The following IKZF2 variants were observed in gnomAD, a reference collection of about 807,000 sequenced individuals.
IKZF2 encodes the protein IKAROS family zinc finger 2.
Under a neutral mutation model 49.2 loss-of-function variants are expected in IKZF2, and 15 were observed. The observed-to-expected ratio is 0.30, with a 90% CI of 0.20 to 0.47. The LOEUF is 0.47. Among genes scored for constraint, IKZF2 ranks in the 20% least tolerant of loss-of-function variants. The pLI is 1.00. For synonymous variants in IKZF2, 227 were observed against 221.4 expected (o/e 1.03, Z -0.23); for missense variants, 567 against 664.6 (o/e 0.85, Z 1.61).
At chr2:213,074,357 C>T (rs1703028544) in intron 4 of IKZF2, among the ~76,000 whole-genome samples, 1 of 152,138 alleles carries the variant, frequency 6.6e-6, no homozygotes, top group Admixed American at 6.6e-5. Context: ...TGTTCCTAAG[C>T]TACAAACCTG....
intron 4 of IKZF2, among the ~76,000 whole-genome samples, chr2:213,141,877 A>T (rs2060887729): frequency 6.6e-6 from 1 of 152,056 alleles, no homozygotes; most frequent in African/African-American, 2.4e-5. Context: ...CTAGAATTGA[A>T]CAGCAAAATG....
Position 213,130,978 on chromosome 2 carries a change from A to T in IKZF2, c.139+16730T>A, listed in dbSNP as rs185887539. Reference sequence around the variant, plus strand: ...ATATACTGCCTTATTTCTTGCAGCTATAGGAATGATTACAAACAAATGCTT... The same window carrying T: ...ATATACTGCCTTATTTCTTGCAGCTTTAGGAATGATTACAAACAAATGCTT... On this transcript the variant is annotated intron_variant, in intron 4 of 8. Transcript: ENST00000434687. 3.3e-4 allele frequency among the ~76,000 whole-genome samples: 50 copies of T among 152,306 alleles called. No individual in the cohort carries two copies. In the East Asian group the frequency reaches 9.0e-3, roughly 28 times the overall value.
intron 4 of IKZF2, among the ~76,000 whole-genome samples, chr2:213,102,063 A>T (rs1170372356): frequency 6.6e-6 from 1 of 152,214 alleles, no homozygotes; most frequent in African/African-American, 2.4e-5. Flanking sequence ...AATCTGCTAC[A>T]TGGATCTTTT....
chr2:213,037,787 A>AC (rs1166787196), intron 6 of IKZF2, among the ~76,000 whole-genome samples: 1 of 152,080 alleles, frequency 6.6e-6, no homozygotes, highest in African/African-American at 2.4e-5. Context: ...TCTATCAGCC[A>AC]CCTCCAGGAA....
intron 4 of IKZF2, among the ~76,000 whole-genome samples, chr2:213,111,345 T>C (rs2059697076): frequency 6.6e-6 from 1 of 152,068 alleles, no homozygotes; most frequent in South Asian, 2.1e-4. Flanking sequence ...TCACAGTATA[T>C]CTTCCCCATT....
chr2:213,124,686 C>T (rs1040129332), intron 4 of IKZF2, among the ~76,000 whole-genome samples: 2 of 152,216 alleles, frequency 1.3e-5, no homozygotes, highest in Non-Finnish European at 2.9e-5. Context: ...AAGTATACAA[C>T]TTATTTCCTG....
chr2:213,111,307 A>G (rs2059696494), intron 4 of IKZF2, among the ~76,000 whole-genome samples: 1 of 152,034 alleles, frequency 6.6e-6, no homozygotes. Context: ...GATATAAGCA[A>G]TATTGCATCT....
chr2:213,136,507 G>A (rs1218796731), intron 4 of IKZF2, among the ~76,000 whole-genome samples: 1 of 151,580 alleles, frequency 6.6e-6, no homozygotes, highest in African/African-American at 2.4e-5. Context: ...ATTTGTACAT[G>A]AAAATGCCTG....
chr2:213,082,162 G>A (rs535541013), intron 4 of IKZF2, among the ~76,000 whole-genome samples: 1 of 152,206 alleles, frequency 6.6e-6, no homozygotes, highest in Non-Finnish European at 1.5e-5. Context: ...TCTATACATT[G>A]TTATGTGCTA....
chr2:213,009,504 C>T (rs1040463432), intron 8 of IKZF2, among the ~76,000 whole-genome samples: 1 of 151,970 alleles, frequency 6.6e-6, no homozygotes, highest in Non-Finnish European at 1.5e-5. Context: ...GGCAGATACT[C>T]TCAGATTGGA....
intron 4 of IKZF2, among the ~76,000 whole-genome samples, chr2:213,129,316 T>C (rs571449511): frequency 2.7e-5 from 4 of 147,674 alleles, no homozygotes; most frequent in South Asian, 4.6e-4. Flanking sequence ...GAGAGGGGCT[T>C]ATTTATCTAG....
At chr2:213,029,112 C>T (rs886745404) in intron 6 of IKZF2, among the ~76,000 whole-genome samples, 3 of 151,846 alleles carry the variant, frequency 2.0e-5, no homozygotes, top group Admixed American at 6.6e-5. Flanking sequence ...TGAAGAATAC[C>T]GTTATGCAGT....
At chr2:213,034,537 G>A (rs1698803305) in intron 6 of IKZF2, among the ~76,000 whole-genome samples, 2 of 152,142 alleles carry the variant, frequency 1.3e-5, no homozygotes, top group African/African-American at 4.8e-5. Context: ...GGAATATAGA[G>A]GCCAGGTGAG....
intron 4 of IKZF2, among the ~76,000 whole-genome samples, chr2:213,134,990 C>T (rs2060605575): frequency 6.6e-6 from 1 of 152,196 alleles, no homozygotes; most frequent in African/African-American, 2.4e-5. Context: ...CTATACTTCA[C>T]AGCTCTGCTC....
chr2:213,116,724 G>A (rs976925973), intron 4 of IKZF2, among the ~76,000 whole-genome samples: 13 of 152,164 alleles, frequency 8.5e-5, no homozygotes, highest in African/African-American at 1.2e-4. Flanking sequence ...GGGTGACAGA[G>A]TGAGACCCTG....
rs1695418720 is a variant in IKZF2 at position 213,007,210 on chromosome 2, C to A, written c.*150G>T. ...TCGTAATTAGGCAGAGCAAATGACA[C>A]TGCCTCCACAAAATAAGAATTATCA... On this transcript the variant is annotated 3_prime_UTR_variant, in exon 9 of 9. Coordinates refer to ENST00000434687, the MANE Select transcript of IKZF2 (RefSeq NM_001387220.1). 1.2e-6 allele frequency: 1 copy of A among 821,910 alleles called. No homozygotes were observed. Among genetic ancestry groups the A allele is most frequent in the Non-Finnish European group, 1.8e-6 (1 of 543,948 alleles). The allele number at this position is 821,910 out of a possible 1,614,324, so 50.9% of individuals were successfully genotyped here. A position where few individuals can be genotyped will look rare whatever the true frequency, so the allele number is the denominator to read the frequency against.
At chr2:213,067,624 G>C (rs1261117080) in intron 4 of IKZF2, among the ~76,000 whole-genome samples, 1 of 152,094 alleles carries the variant, frequency 6.6e-6, no homozygotes, top group Non-Finnish European at 1.5e-5. Context: ...GGACAACCAA[G>C]TATGAAGAAC....
chr2:213,141,850 T>C (rs978053700), intron 4 of IKZF2, among the ~76,000 whole-genome samples: 1 of 151,994 alleles, frequency 6.6e-6, no homozygotes, highest in Non-Finnish European at 1.5e-5. Flanking sequence ...CCCACAAATA[T>C]TTATTGAATT....
intron 5 of IKZF2, among the ~76,000 whole-genome samples, chr2:213,054,765 C>T (rs1411109903): frequency 6.6e-6 from 1 of 152,146 alleles, no homozygotes; most frequent in Non-Finnish European, 1.5e-5. Context: ...ATACTCCTTG[C>T]TGTTATGAGT....
Sources: gnomAD v4.1 joint callset for allele counts (sites outside exome capture counted in the v4.1 genomes callset) on GRCh38, gnomAD v4.1.1 for gene constraint, MANE v1.5 for transcripts, NCBI Gene and HGNC (gene_info 2026-07-23, HGNC 2026-07-21) for gene names.